CNKSR3: variants seen among roughly 807,000 people sequenced by gnomAD.
The protein encoded by CNKSR3 is connector enhancer of kinase suppressor of ras 3.
Under a neutral mutation model 67.7 loss-of-function variants are expected in CNKSR3, and 36 were observed. That is an observed-to-expected ratio of 0.53 (90% CI 0.41 to 0.70). CNKSR3 has a LOEUF of 0.70. Ranked by LOEUF, CNKSR3 falls within the 30% of genes least tolerant of loss-of-function variation. The probability of loss-of-function intolerance (pLI) is 0.00; values close to 1 mark genes in which losing one functional copy is unlikely to be tolerated. For synonymous variants in CNKSR3, 281 were observed against 271.4 expected (o/e 1.04, Z -0.35); for missense variants, 630 against 695.2 (o/e 0.91, Z 1.05).
intron 1 of CNKSR3, among the ~76,000 whole-genome samples, chr6:154,493,361 C>T (rs1786818803): frequency 6.6e-6 from 1 of 152,206 alleles, no homozygotes; most frequent in South Asian, 2.1e-4. Flanking sequence ...CATCTTTCTA[C>T]CCTACCAGAA....
intron 2 of CNKSR3, among the ~76,000 whole-genome samples, chr6:154,446,135 TA>T (rs889929166): frequency 6.6e-6 from 1 of 152,206 alleles, no homozygotes; most frequent in Non-Finnish European, 1.5e-5. Context: ...GTTCACCTAC[TA>T]AAACCCTTCC....
chr6:154,417,547 T>C (rs1412495939), intron 9 of CNKSR3, among the ~76,000 whole-genome samples: 1 of 152,146 alleles, frequency 6.6e-6, no homozygotes, highest in Non-Finnish European at 1.5e-5. Context: ...TATGTTTAGA[T>C]GTTATTATGG....
At chr6:154,497,713 C>A (rs1360714853) in intron 1 of CNKSR3, among the ~76,000 whole-genome samples, 6 of 152,154 alleles carry the variant, frequency 3.9e-5, no homozygotes, top group African/African-American at 1.4e-4. Context: ...TGTATACTTA[C>A]AACGCAAACT....
At chr6:154,439,149 C>T (rs918883060) in intron 4 of CNKSR3, among the ~76,000 whole-genome samples, 4 of 152,134 alleles carry the variant, frequency 2.6e-5, no homozygotes. Context: ...TTCCTGTGCG[C>T]CTTCCCTCCC....
chr6:154,422,772 G>A (rs1399469732), intron 8 of CNKSR3, 120 bp from the exon 9 acceptor site: 3 of 1,200,696 alleles, frequency 2.5e-6, no homozygotes, highest in Non-Finnish European at 3.6e-6. Context: ...AAAATAGGCA[G>A]GCGTAAGTAT....
At chr6:154,428,213 C>T in intron 6 of CNKSR3, 26 bp from the exon 7 acceptor site, 1 of 1,483,654 alleles carries the variant, frequency 6.7e-7, no homozygotes, top group Non-Finnish European at 9.4e-7. Flanking sequence ...AATAGATTAA[C>T]TCATTACTCC....
In CNKSR3 at chr6:154,450,098, T is replaced by G. The variant is rs117104961; in HGVS notation, c.213A>C (p.Ala71=). 3.7e-6 allele frequency: 6 copies of G among 1,613,934 alleles called. No homozygotes were observed. Among genetic ancestry groups the G allele is most frequent in the Non-Finnish European group, 8.5e-7 (1 of 1,179,976 alleles). Residue 71 remains alanine, a synonymous_variant, in exon 2 of 13, where the codon GCA becomes GCC. Coordinates refer to ENST00000607772, the MANE Select transcript of CNKSR3 (RefSeq NM_173515.4). ...LVLEAVDLLC[A]LNYGLETDNM... is the part of the protein sequence containing the mutation. ...GACCGTCTTTTCCTGAACTAACCAG[T>G]GCACAGAGAAGGTCCACAGCCTCCA...
At chr6:154,446,055 T>G (rs1785700615) in intron 2 of CNKSR3, among the ~76,000 whole-genome samples, 1 of 152,184 alleles carries the variant, frequency 6.6e-6, no homozygotes, top group Non-Finnish European at 1.5e-5. Context: ...CTTGTCTCCT[T>G]CAGAAACTGC....
intron 4 of CNKSR3, 65 bp from the exon 5 acceptor site, chr6:154,433,572 C>T: frequency 9.6e-6 from 12 of 1,255,744 alleles, no homozygotes; most frequent in Admixed American, 1.9e-5. Flanking sequence ...GAACTGTTGG[C>T]CTAGCTTTCT....
Position 154,414,432 on chromosome 6 carries a change from G to A in CNKSR3, c.946-9C>T. On this transcript the variant is annotated splice_polypyrimidine_tract_variant and intron_variant, in intron 9 of 12. Transcript: ENST00000607772. The stretch of plus-strand genomic sequence containing the variant: ...GCGGGTGGAGGTGAGGTCTGAAACA[G>A]GAGTAACACAGCAATGCAAAGAGTG... The A allele has an allele frequency of 1.3e-6, 2 of 1,578,100 alleles. No homozygotes were observed. Among genetic ancestry groups the A allele is most frequent in the South Asian group, 2.4e-5 (2 of 83,740 alleles).
Position 154,389,683 on chromosome 6 carries a change from A to G in CNKSR3, c.*16671T>C, listed in dbSNP as rs1319810139. 7.6e-6 allele frequency: 1 copy of G among 131,612 alleles called. No individual in the cohort carries two copies. Among genetic ancestry groups the G allele is most frequent in the Admixed American group, 7.8e-5 (1 of 12,748 alleles). 8.2% of individuals were successfully genotyped at this position (131,612 alleles called of 1,614,324 possible). ...CTCCATTTTTTAAACATGTTAGAAT[A>G]AAGGAATTCAATAAAGTTGCATAAT... On this transcript the variant is annotated 3_prime_UTR_variant, in exon 13 of 13. Transcript: ENST00000607772.
intron 4 of CNKSR3, among the ~76,000 whole-genome samples, chr6:154,440,878 A>C (rs572324525): frequency 3.3e-5 from 5 of 152,292 alleles, no homozygotes; most frequent in Admixed American, 6.5e-5. Context: ...GCCCATCCTG[A>C]CTGGTAAATC....
intron 1 of CNKSR3, among the ~76,000 whole-genome samples, chr6:154,460,962 C>T (rs1031028330): frequency 1.3e-5 from 2 of 152,132 alleles, no homozygotes; most frequent in African/African-American, 2.4e-5. Flanking sequence ...CCACCTGAGC[C>T]ATCAGGATTT....
intron 1 of CNKSR3, among the ~76,000 whole-genome samples, chr6:154,509,474 C>A (rs1040751345): frequency 6.6e-6 from 1 of 152,026 alleles, no homozygotes; most frequent in Non-Finnish European, 1.5e-5. Context: ...CACTGCCTCC[C>A]GGGGAGTCCT....
intron 2 of CNKSR3, among the ~76,000 whole-genome samples, chr6:154,448,602 T>A (rs1311075249): frequency 6.6e-6 from 1 of 152,100 alleles, no homozygotes; most frequent in Non-Finnish European, 1.5e-5. Context: ...GGGAGTAGCA[T>A]GTAGCAGAGC....
At chr6:154,489,459 A>G (rs977102956) in intron 1 of CNKSR3, among the ~76,000 whole-genome samples, 1 of 151,928 alleles carries the variant, frequency 6.6e-6, no homozygotes, top group African/African-American at 2.4e-5. Flanking sequence ...TGAACCCGGG[A>G]GGTGGAGGTT....
In CNKSR3 at chr6:154,508,702, CAT is replaced by C. The variant is rs764489971; in HGVS notation, c.52+1359_52+1360del. ...GGAAACCTAGTCACCAAGGCAGAAA[CAT>C]GTGTTGTTTTTAGCTTCATTTTATA... is the stretch of plus-strand genomic sequence containing the variant. On this transcript the variant is annotated intron_variant, in intron 1 of 12. Transcript: ENST00000607772. Among the ~76,000 whole-genome samples, 14 of 152,316 alleles carry C rather than the reference CAT, an allele frequency of 9.2e-5. 1 individual carries two copies. The highest frequency in any genetic ancestry group is 1.3e-4 in the Admixed American group (2 of 15,304).
chr6:154,510,451 T>A lies in CNKSR3; in HGVS notation c.-337A>T. The A allele has an allele frequency of 2.9e-6, 1 of 343,620 alleles. No homozygotes were observed. Among genetic ancestry groups the A allele is most frequent in the Non-Finnish European group, 5.3e-6 (1 of 188,432 alleles). The allele number at this position is 343,620 out of a possible 1,614,324, so 21.3% of individuals were successfully genotyped here. A position where few individuals can be genotyped will look rare whatever the true frequency, so the allele number is the denominator to read the frequency against. On this transcript the variant is annotated 5_prime_UTR_variant, in exon 1 of 13. Coordinates refer to ENST00000607772, the MANE Select transcript of CNKSR3 (RefSeq NM_173515.4). ...CTGGCCTCGGCTCGGCACGGGAGCC[T>A]CCCGGCCCGCGACCACTTCCTCGGA...
chr6:154,489,054 T>C (rs974080101), intron 1 of CNKSR3, among the ~76,000 whole-genome samples: 1 of 152,146 alleles, frequency 6.6e-6, no homozygotes, highest in Non-Finnish European at 1.5e-5. Context: ...TTGAGTTTTT[T>C]TTCATTCTGC....
Sources: gnomAD v4.1 joint callset for allele counts (sites outside exome capture counted in the v4.1 genomes callset) on GRCh38, gnomAD v4.1.1 for gene constraint, MANE v1.5 for transcripts, NCBI Gene and HGNC (gene_info 2026-07-23, HGNC 2026-07-21) for gene names.